The following ME3 variants were observed in gnomAD, a reference collection of about 807,000 sequenced individuals.
ME3 encodes NADP-dependent malic enzyme, mitochondrial.
A neutral mutation model predicts 68.9 loss-of-function variants in ME3; 48 were observed. The observed-to-expected ratio is 0.70, with a 90% CI of 0.55 to 0.89. The LOEUF is 0.89. Among genes scored for constraint, ME3 ranks in the 40% least tolerant of loss-of-function variants. ME3 has a pLI of 0.00. For synonymous variants in ME3, 320 were observed against 318.8 expected (o/e 1.00, Z -0.04); for missense variants, 675 against 797.4 (o/e 0.85, Z 1.85).
chr11:86,643,325 T>G (rs1944787827), intron 2 of ME3, among the ~76,000 whole-genome samples: 2 of 151,806 alleles, frequency 1.3e-5, no homozygotes, highest in African/African-American at 4.8e-5. Context: ...TACCCATGAC[T>G]TTCCCTCCTG....
chr11:86,668,531 C>T (rs1159391752), intron 2 of ME3, among the ~76,000 whole-genome samples: 1 of 152,162 alleles, frequency 6.6e-6, no homozygotes, highest in East Asian at 1.9e-4. Flanking sequence ...TGGAAATCAT[C>T]CTCATTATCA....
intron 2 of ME3, among the ~76,000 whole-genome samples, chr11:86,574,403 G>GC (rs1957972118): frequency 7.4e-6 from 1 of 134,844 alleles, no homozygotes; most frequent in African/African-American, 3.0e-5. Flanking sequence ...TTGCCGGGGG[G>GC]GGGGGGGGTG....
At chr11:86,572,079 T>C (rs780226544) in intron 2 of ME3, among the ~76,000 whole-genome samples, 38 of 152,174 alleles carry the variant, frequency 2.5e-4, no homozygotes, top group Non-Finnish European at 4.4e-5. Context: ...GGAGCAGGAA[T>C]TCCTATAACA....
At chr11:86,616,585 G>A (rs1022834145) in intron 2 of ME3, among the ~76,000 whole-genome samples, 1 of 152,148 alleles carries the variant, frequency 6.6e-6, no homozygotes, top group Non-Finnish European at 1.5e-5. Context: ...TCAGAAAGTG[G>A]TTAAGAATAA....
chr11:86,505,353 G>A (rs1156850410), intron 5 of ME3, among the ~76,000 whole-genome samples: 1 of 152,156 alleles, frequency 6.6e-6, no homozygotes, highest in Non-Finnish European at 1.5e-5. Flanking sequence ...TAGTGGACCT[G>A]TTCACATGCC....
chr11:86,498,628 C>A (rs1299746587), intron 5 of ME3, among the ~76,000 whole-genome samples: 1 of 152,194 alleles, frequency 6.6e-6, no homozygotes, highest in East Asian at 1.9e-4. Context: ...CTTGTGACAT[C>A]TTCTAGGATC....
At chr11:86,619,215 T>C (rs1291301948) in intron 2 of ME3, among the ~76,000 whole-genome samples, 1 of 152,218 alleles carries the variant, frequency 6.6e-6, no homozygotes, top group Non-Finnish European at 1.5e-5. Context: ...TCTCATAAAT[T>C]ACCCAGTCTC....
chr11:86,660,552 G>T (rs1381374022), intron 2 of ME3, among the ~76,000 whole-genome samples: 2 of 152,194 alleles, frequency 1.3e-5, no homozygotes, highest in African/African-American at 4.8e-5. Context: ...GCAGAGATGG[G>T]ATTGGAATCT....
chr11:86,547,493 T>C (rs1021337460), intron 4 of ME3, among the ~76,000 whole-genome samples: 3 of 148,966 alleles, frequency 2.0e-5, no homozygotes, highest in Non-Finnish European at 3.0e-5. Flanking sequence ...GGGTGGGGGG[T>C]TGGGGGAGTG....
intron 2 of ME3, among the ~76,000 whole-genome samples, chr11:86,650,593 A>C (rs1447896549): frequency 6.6e-6 from 1 of 152,230 alleles, no homozygotes; most frequent in Non-Finnish European, 1.5e-5. Context: ...ATCTACAAGG[A>C]AGTTAAACAA....
intron 4 of ME3, among the ~76,000 whole-genome samples, chr11:86,534,482 C>G (rs761776732): frequency 1.7e-4 from 26 of 152,208 alleles, no homozygotes; most frequent in Non-Finnish European, 3.7e-4. Flanking sequence ...CGAGACCAGC[C>G]TGGCCAACGT....
chr11:86,583,813 G>T (rs7117702), intron 2 of ME3, among the ~76,000 whole-genome samples: 1 of 151,904 alleles, frequency 6.6e-6, no homozygotes, highest in East Asian at 1.9e-4. Flanking sequence ...ATCTTATATT[G>T]AAAAATGGAT....
At chr11:86,504,964 T>G (rs1274959529) in intron 5 of ME3, among the ~76,000 whole-genome samples, 3 of 152,222 alleles carry the variant, frequency 2.0e-5, no homozygotes, top group Non-Finnish European at 2.9e-5. Context: ...GTGCTGGGAT[T>G]ACAGGCGTGA....
chr11:86,649,174 TA>T (rs1282817338), intron 2 of ME3, among the ~76,000 whole-genome samples: 1 of 152,140 alleles, frequency 6.6e-6, no homozygotes, highest in Non-Finnish European at 1.5e-5. Context: ...CACAAATCAA[TA>T]AAAGTTATTC....
intron 2 of ME3, among the ~76,000 whole-genome samples, chr11:86,603,342 G>T (rs1236529955): frequency 6.6e-6 from 1 of 152,112 alleles, no homozygotes; most frequent in African/African-American, 2.4e-5. Context: ...AAAGACACAT[G>T]AAAAAATGCT....
rs571857448 is a variant in ME3, at chr11:86,664,747, C to A, written c.183+7015G>T. The stretch of plus-strand genomic sequence containing the variant: ...TGGGGTCTCCTAACTCTGGTCTATT[C>A]CCTAAACATCTCCTTTTGTGTTTTC... On this transcript the variant is annotated intron_variant, in intron 2 of 14. Transcript: ENST00000543262. Among the ~76,000 whole-genome samples, 101 of 152,278 alleles carry A rather than the reference C, an allele frequency of 6.6e-4. 1 individual carries two copies. The highest frequency in any genetic ancestry group is 2.3e-3 in the African/African-American group (96 of 41,552).
At chr11:86,610,632 T>G (rs1359078567) in intron 2 of ME3, among the ~76,000 whole-genome samples, 1 of 137,460 alleles carries the variant, frequency 7.3e-6, no homozygotes, top group African/African-American at 2.7e-5. Flanking sequence ...ATGAATCTAT[T>G]GGCACCCTGT....
intron 2 of ME3, among the ~76,000 whole-genome samples, chr11:86,608,235 G>C (rs535733878): frequency 3.9e-5 from 6 of 152,238 alleles, no homozygotes; most frequent in Admixed American, 2.6e-4. Context: ...TGTTATTCCT[G>C]TTTCTTGCAG....
intron 2 of ME3, among the ~76,000 whole-genome samples, chr11:86,655,136 C>T (rs1048917119): frequency 5.3e-5 from 8 of 152,056 alleles, no homozygotes; most frequent in African/African-American, 1.4e-4. Flanking sequence ...TGCTCATGGG[C>T]AGGAAGAATC....
Sources: gnomAD v4.1 joint callset for allele counts (sites outside exome capture counted in the v4.1 genomes callset) on GRCh38, gnomAD v4.1.1 for gene constraint, MANE v1.5 for transcripts, NCBI Gene and HGNC (gene_info 2026-07-23, HGNC 2026-07-21) for gene names.